The following DPYD variants were observed in gnomAD, a reference collection of about 807,000 sequenced individuals.
DPYD encodes the protein dihydropyrimidine dehydrogenase [NADP(+)].
DPYD carries 109 observed loss-of-function variants against 116.2 expected under a neutral mutation model. That is an observed-to-expected ratio of 0.94 (90% CI 0.80 to 1.10). The LOEUF (loss-of-function observed/expected upper bound fraction) is 1.10, where lower values mean the gene tolerates loss of function less well. DPYD is among the 50% of genes least tolerant of loss of function. The probability of loss-of-function intolerance (pLI) is 0.00; values close to 1 mark genes in which losing one functional copy is unlikely to be tolerated. For synonymous variants in DPYD, 440 were observed against 432.0 expected, an observed-to-expected ratio of 1.02 and a Z score of -0.23; for missense variants, 1,302 against 1,254.5, an observed-to-expected ratio of 1.04 and a Z score of -0.57.
At chr1:97,747,688 G>A (rs1409257958) in intron 3 of DPYD, among the ~76,000 whole-genome samples, 3 of 152,082 alleles carry the variant, frequency 2.0e-5, no homozygotes, top group East Asian at 3.8e-4. Context: ...CCAGACTTTC[G>A]TGTATACTAA....
intron 20 of DPYD, among the ~76,000 whole-genome samples, chr1:97,174,933 T>A (rs1216785698): frequency 6.6e-6 from 1 of 152,166 alleles, no homozygotes; most frequent in Admixed American, 6.5e-5. Context: ...TATGGATTTG[T>A]TACTCCCATT....
chr1:97,398,992 T>C (rs1021043564), intron 14 of DPYD, among the ~76,000 whole-genome samples: 13 of 152,168 alleles, frequency 8.5e-5, no homozygotes, highest in African/African-American at 3.1e-4. Flanking sequence ...TGCCATTGCT[T>C]TTGGTGTTTT....
intron 13 of DPYD, among the ~76,000 whole-genome samples, chr1:97,510,144 C>CAGTAGCCCAGAGATAAT (rs1557761938): frequency 6.6e-6 from 1 of 151,096 alleles, no homozygotes. Context: ...GAGGAGAAAA[C>CAGTAGCCCAGAGATAAT]CAGTAGCCCA....
intron 3 of DPYD, among the ~76,000 whole-genome samples, chr1:97,740,858 T>C (rs1046876015): frequency 8.5e-5 from 13 of 152,170 alleles, no homozygotes; most frequent in African/African-American, 3.1e-4. Flanking sequence ...ACCAAAATTA[T>C]TAAACAAATG....
chr1:97,505,373 G>T (rs891455334), intron 13 of DPYD, among the ~76,000 whole-genome samples: 2 of 151,568 alleles, frequency 1.3e-5, no homozygotes, highest in South Asian at 4.2e-4. Context: ...ACATATGCTC[G>T]GTTCTCTCAT....
Position 97,569,433 on chromosome 1 carries a change from T to A in DPYD, c.1339+4327A>T, listed in dbSNP as rs1225415222. Among the ~76,000 whole-genome samples the A allele has an allele frequency of 8.1e-5, 12 of 147,822 alleles. No individual in the cohort carries two copies. The Admixed American group carries it at 8.2e-4, about 10-fold the overall frequency. On this transcript the variant is annotated intron_variant, in intron 11 of 22. Coordinates refer to ENST00000370192, the MANE Select transcript of DPYD (RefSeq NM_000110.4). ...TATATAGAAATATATATTCATATATTTATATTATATTTATATTATACATAT... is the reference window on the plus strand; with the variant it reads ...TATATAGAAATATATATTCATATATATATATTATATTTATATTATACATAT...
chr1:97,509,187 C>T (rs1228715695), intron 13 of DPYD, among the ~76,000 whole-genome samples: 3 of 151,990 alleles, frequency 2.0e-5, no homozygotes, highest in Non-Finnish European at 4.4e-5. Flanking sequence ...GAGCAGAAAA[C>T]GTGTTGCTGC....
chr1:97,842,525 T>C (rs1670086640), intron 2 of DPYD, among the ~76,000 whole-genome samples: 1 of 152,052 alleles, frequency 6.6e-6, no homozygotes, highest in South Asian at 2.1e-4. Context: ...CAATGCTTTC[T>C]ACAATTCATA....
intron 3 of DPYD, among the ~76,000 whole-genome samples, chr1:97,802,836 A>G (rs1284048667): frequency 1.3e-5 from 2 of 151,850 alleles, no homozygotes; most frequent in Non-Finnish European, 2.9e-5. Context: ...ATTTTTCAAA[A>G]GTTCTATTGG....
At chr1:97,792,541 C>T (rs61786606) in intron 3 of DPYD, among the ~76,000 whole-genome samples, 3,053 of 152,164 alleles carry the variant, frequency 0.02, 53 homozygotes, top group Non-Finnish European at 0.032. Context: ...TGAGCCACCG[C>T]GCCTGGCCGC....
At chr1:97,456,927 A>G (rs779595494) in intron 13 of DPYD, among the ~76,000 whole-genome samples, 13 of 152,080 alleles carry the variant, frequency 8.5e-5, no homozygotes, top group Non-Finnish European at 1.6e-4. Flanking sequence ...TCAAAATTCT[A>G]AGAATGCTTT....
At chr1:97,356,446 T>C (rs1171968326) in intron 16 of DPYD, among the ~76,000 whole-genome samples, 1 of 152,244 alleles carries the variant, frequency 6.6e-6, no homozygotes, top group African/African-American at 2.4e-5. Flanking sequence ...GTAATCCAAT[T>C]TGTCTATTTT....
chr1:97,514,540 C>T (rs1180834670), intron 13 of DPYD, among the ~76,000 whole-genome samples: 1 of 151,778 alleles, frequency 6.6e-6, no homozygotes, highest in African/African-American at 2.4e-5. Context: ...GACAAATATA[C>T]TATCAATATT....
chr1:97,320,035 C>T (rs1483062948), intron 16 of DPYD, among the ~76,000 whole-genome samples: 2,425 of 97,962 alleles, frequency 0.025, no homozygotes, highest in Non-Finnish European at 0.035. Context: ...TTCAACAATG[C>T]TTCATGCTAA....
At chr1:97,260,535 G>A (rs183293647) in intron 18 of DPYD, among the ~76,000 whole-genome samples, 57 of 152,056 alleles carry the variant, frequency 3.7e-4, no homozygotes, top group African/African-American at 1.4e-3. Flanking sequence ...TTAATTTGTT[G>A]TATAAGTATA....
chr1:97,628,450 T>C (rs1296399435), intron 8 of DPYD, among the ~76,000 whole-genome samples: 1 of 152,058 alleles, frequency 6.6e-6, no homozygotes, highest in Non-Finnish European at 1.5e-5. Flanking sequence ...GTAAATCAGC[T>C]AGTGATAAGA....
At chr1:97,212,215 C>G (rs1660079062) in intron 19 of DPYD, among the ~76,000 whole-genome samples, 1 of 152,102 alleles carries the variant, frequency 6.6e-6, no homozygotes, top group African/African-American at 2.4e-5. Context: ...CCTTTAGCAG[C>G]CACTGTTCAC....
At chr1:97,703,882 A>C (rs1661748219) in intron 5 of DPYD, among the ~76,000 whole-genome samples, 1 of 152,016 alleles carries the variant, frequency 6.6e-6, no homozygotes, top group Non-Finnish European at 1.5e-5. Flanking sequence ...AATTTTTCAA[A>C]ATTACTGTGT....
At chr1:97,388,477 C>G (rs979235186) in intron 14 of DPYD, among the ~76,000 whole-genome samples, 1 of 151,934 alleles carries the variant, frequency 6.6e-6, no homozygotes, top group Non-Finnish European at 1.5e-5. Flanking sequence ...CCTGGGGGCA[C>G]AAGAGAGTGT....
Sources: allele counts gnomAD v4.1 joint callset (sites outside exome capture counted in the v4.1 genomes callset), GRCh38; gene constraint gnomAD v4.1.1; transcripts MANE v1.5; gene names NCBI Gene and HGNC (gene_info 2026-07-23, HGNC 2026-07-21).